Variants in RORC observed in about 807,000 individuals in gnomAD.
RORC encodes the protein RAR related orphan receptor C, also known as nuclear receptor ROR-gamma.
A neutral mutation model predicts 64.5 loss-of-function variants in RORC; 13 were observed. The ratio of observed to expected loss-of-function variants is 0.20; its 90% CI spans 0.13 to 0.32. The LOEUF is 0.32. RORC is among the 10% of genes least tolerant of loss of function. The pLI, the probability that RORC is intolerant of heterozygous loss-of-function variation, is 1.00. For missense variants in RORC, 468 were observed against 669.5 expected (o/e 0.70, Z 3.32); for synonymous variants, 277 against 259.3 (o/e 1.07, Z -0.65).
At position 151,807,549 on chromosome 1, in the gene RORC, C is replaced by T; in HGVS notation, c.1480G>A (p.Val494Ile). Residue 494 changes from valine to isoleucine, a missense_variant, in exon 11 of 11, where the codon GTC becomes ATC. Transcript: ENST00000318247. The surrounding 1 kb of genome is among the most constrained non-coding windows in gnomAD (Gnocchi z 5.0). ...TAGAGTGGAGGGAAAGCGGCTTGGA[C>T]CACGATGGGGTGGAGGTGCTGGAAG... ...QIFQHLHPIV[V>I]QAAFPPLYKE... 1 of 1,613,834 alleles carries T rather than the reference C, an allele frequency of 6.2e-7. No individual in the cohort carries two copies. Among genetic ancestry groups the T allele is most frequent in the South Asian group, 1.1e-5 (1 of 91,076 alleles).
chr1:151,825,921 T>TG (rs1652176422), intron 2 of RORC: 2 of 1,613,788 alleles, frequency 1.2e-6, no homozygotes, highest in Non-Finnish European at 1.7e-6. Context: ...GGTGGCCCCA[T>TG]TCACTTACTT....
chr1:151,829,013 T>A (rs561036377), intron 2 of RORC, among the ~76,000 whole-genome samples: 86 of 147,772 alleles, frequency 5.8e-4, no homozygotes, highest in African/African-American at 2.1e-3. Context: ...GCAGGCTCCC[T>A]GTCTCCCTTG....
chr1:151,822,733 C>A (rs958369454), intron 2 of RORC, among the ~76,000 whole-genome samples: 17 of 152,350 alleles, frequency 1.1e-4, no homozygotes, highest in East Asian at 9.7e-4. Flanking sequence ...CCAGAAAGAC[C>A]TTGGCTCTGG....
intron 2 of RORC, among the ~76,000 whole-genome samples, chr1:151,822,496 C>G (rs976198646): frequency 2.6e-5 from 4 of 152,236 alleles, no homozygotes; most frequent in Non-Finnish European, 5.9e-5. Context: ...CCATGAATGA[C>G]AGCCAGCCAG....
intron 9 of RORC, chr1:151,812,649 A>G (rs1439795355): frequency 6.9e-6 from 2 of 290,470 alleles, no homozygotes; most frequent in Non-Finnish European, 1.3e-5. Flanking sequence ...CTACAATGAA[A>G]TCACTGCCAT....
chr1:151,831,075 GC>G lies in RORC; in HGVS notation c.40+649del, dbSNP rs1558172480. 13 of 1,288,970 alleles carry G rather than the reference GC, an allele frequency of 1.0e-5. 1 individual carries two copies. In the African/African-American group the frequency reaches 2.0e-4, roughly 20 times the overall value. The allele number at this position is 1,288,970 out of a possible 1,614,324, so 79.8% of individuals were successfully genotyped here. ...GTTCCTGACTTGGACCATGGGTGGG[GC>G]CAAGGACGGCCTGACATTCTGTCCT... On this transcript the variant is annotated intron_variant, in intron 1 of 10. Transcript: ENST00000318247.
At position 151,807,337 on chromosome 1, in the gene RORC, C is replaced by G. The variant is rs1651353712; in HGVS notation, c.*135G>C. On this transcript the variant is annotated 3_prime_UTR_variant, in exon 11 of 11. Coordinates refer to ENST00000318247, the MANE Select transcript of RORC (RefSeq NM_005060.4). The surrounding 1 kb of genome is among the most constrained non-coding windows in gnomAD (Gnocchi z 5.0). ...CCTGCTGACAGAAAGCCAGCCGCAG[C>G]ATCTGCTCACTTCCAAAGAGCTGGT... 2.2e-5 allele frequency: 18 copies of G among 823,920 alleles called. No homozygotes were observed. The highest frequency in any genetic ancestry group is 3.0e-5 in the Admixed American group (1 of 33,804). 51.0% of individuals were successfully genotyped at this position (823,920 alleles called of 1,614,324 possible).
At chr1:151,816,896 T>C (rs1337831325) in intron 3 of RORC, 91 bp from the exon 4 acceptor site, 5 of 1,333,914 alleles carry the variant, frequency 3.7e-6, no homozygotes, top group Non-Finnish European at 5.0e-6. Flanking sequence ...CTGGCAGCTT[T>C]TCTACATCCC....
At chr1:151,825,972 T>G (rs374625758) in intron 2 of RORC, 10 of 1,612,082 alleles carry the variant, frequency 6.2e-6, no homozygotes, top group Non-Finnish European at 1.7e-6. Flanking sequence ...TGGCTCCCTG[T>G]CCTTCTCAGC....
At chr1:151,831,407 C>G (rs1270379593) in intron 1 of RORC, among the ~76,000 whole-genome samples, 1 of 152,150 alleles carries the variant, frequency 6.6e-6, no homozygotes, top group South Asian at 2.1e-4. Context: ...CACATTCTGA[C>G]CCCTCGCTGG....
At chr1:151,827,362 T>A (rs183371328) in intron 2 of RORC, among the ~76,000 whole-genome samples, 27 of 152,294 alleles carry the variant, frequency 1.8e-4, no homozygotes, top group Admixed American at 1.1e-3. Context: ...TGAGTCTCTC[T>A]GGAGTGTTTT....
At chr1:151,831,096 T>G (rs1652394394) in intron 1 of RORC, 1 of 1,288,490 alleles carries the variant, frequency 7.8e-7, no homozygotes, top group African/African-American at 1.5e-5. Context: ...CCTGACATTC[T>G]GTCCTTCCCT....
chr1:151,819,810 C>T (rs1335726671), intron 2 of RORC, among the ~76,000 whole-genome samples: 2 of 152,148 alleles, frequency 1.3e-5, no homozygotes, highest in African/African-American at 4.8e-5. Context: ...CAAGGACCCC[C>T]TTCGCAAATA....
At chr1:151,831,071 T>C in intron 1 of RORC, 3 of 1,289,054 alleles carry the variant, frequency 2.3e-6, no homozygotes, top group Middle Eastern at 2.1e-4. Flanking sequence ...GGACCATGGG[T>C]GGGGCCAAGG....
chr1:151,823,658 G>A (rs1238249757), intron 2 of RORC, among the ~76,000 whole-genome samples: 1 of 152,064 alleles, frequency 6.6e-6, no homozygotes, highest in Non-Finnish European at 1.5e-5. Context: ...GTTTGTTTAA[G>A]AGACAGGGTC....
At chr1:151,815,979 G>A (rs1651738730) in intron 4 of RORC, among the ~76,000 whole-genome samples, 1 of 152,178 alleles carries the variant, frequency 6.6e-6, no homozygotes, top group African/African-American at 2.4e-5. Flanking sequence ...CAGGTGTAGG[G>A]GCACAGCCCC....
rs2101659060 is a variant in RORC at position 151,815,174 on chromosome 1, G to C, written c.550C>G (p.Pro184Ala). The change falls in exon 5 of 11, where the codon CCC becomes GCC. Residue 184 changes from proline to alanine, a missense_variant. Transcript: ENST00000318247. ...PGLLKASGSG[P>A]SYSNNLAKAG... ...TTGGCCAAGTTGTTGGAATATGAGG[G>C]CCCAGAGCCTGAGGCTTTCAGGAGG... The C allele has an allele frequency of 6.2e-7, 1 of 1,613,978 alleles. No individual in the cohort carries two copies. Among genetic ancestry groups the C allele is most frequent in the Non-Finnish European group, 8.5e-7 (1 of 1,179,936 alleles).
chr1:151,816,386 G>C (rs1157028112), intron 4 of RORC, among the ~76,000 whole-genome samples: 3 of 152,232 alleles, frequency 2.0e-5, no homozygotes, highest in Admixed American at 2.0e-4. Context: ...GCAGAGTGAG[G>C]AGAATTCGTT....
intron 9 of RORC, chr1:151,812,630 T>C (rs1270908801): frequency 4.3e-6 from 1 of 235,290 alleles, no homozygotes; most frequent in African/African-American, 2.3e-5. Context: ...CAGGTGATTC[T>C]GATGTGTGCT....
Sources: allele counts gnomAD v4.1 joint callset (sites outside exome capture counted in the v4.1 genomes callset), GRCh38; gene constraint gnomAD v4.1.1; non-coding constraint Gnocchi (gnomAD v3.1); transcripts MANE v1.5; gene names NCBI Gene and HGNC (gene_info 2026-07-23, HGNC 2026-07-21).